ST18: variants seen among roughly 807,000 people sequenced by gnomAD.
ST18 encodes ST18 C2H2C-type zinc finger transcription factor.
ST18 carries 50 observed loss-of-function variants against 110.0 expected under a neutral mutation model. The ratio of observed to expected loss-of-function variants is 0.45; its 90% CI spans 0.36 to 0.58. The LOEUF (loss-of-function observed/expected upper bound fraction) is 0.58, where lower values mean the gene tolerates loss of function less well. ST18 is among the 20% of genes least tolerant of loss of function. ST18 has a pLI of 0.00. For synonymous variants in ST18, 461 were observed against 452.4 expected (o/e 1.02, Z -0.24); for missense variants, 1,306 against 1,280.1 (o/e 1.02, Z -0.31).
At chr8:52,407,032 T>C (rs1015296754) in intron 2 of ST18, 5 of 152,230 alleles carry the variant, frequency 3.3e-5, no homozygotes, top group Non-Finnish European at 7.3e-5. Flanking sequence ...ATGATCATCT[T>C]AAATGCCAAC....
chr8:52,135,825 A>G (rs2051973662), intron 19 of ST18, among the ~76,000 whole-genome samples: 1 of 152,084 alleles, frequency 6.6e-6, no homozygotes, highest in Non-Finnish European at 1.5e-5. Flanking sequence ...TGTGTTTTAG[A>G]CACCAAACGC....
intron 2 of ST18, among the ~76,000 whole-genome samples, chr8:52,235,388 A>C (rs1404041600): frequency 6.6e-6 from 1 of 152,044 alleles, no homozygotes; most frequent in Non-Finnish European, 1.5e-5. Flanking sequence ...GACTGGAAGC[A>C]CCTACAGGAA....
chr8:52,111,992 G>A lies in ST18; in HGVS notation c.*1206C>T, dbSNP rs922309115. ...TGTGTCTGTGTGTGAGTATGCCTGT[G>A]TGTGTGAGTGTGTGTGTATATTTTG... is the stretch of plus-strand genomic sequence containing the variant. On this transcript the variant is annotated 3_prime_UTR_variant, in exon 26 of 26. Coordinates refer to ENST00000689386, the MANE Select transcript of ST18 (RefSeq NM_001352837.2). The A allele has an allele frequency of 1.3e-5, 2 of 152,358 alleles. No homozygotes were observed. Among genetic ancestry groups the A allele is most frequent in the Non-Finnish European group, 2.9e-5 (2 of 67,960 alleles). The allele number at this position is 152,358 out of a possible 1,614,324, so 9.4% of individuals were successfully genotyped here. A position where few individuals can be genotyped will look rare whatever the true frequency, so the allele number is the denominator to read the frequency against.
intron 8 of ST18, among the ~76,000 whole-genome samples, chr8:52,191,749 G>A (rs1265801330): frequency 6.6e-6 from 1 of 152,188 alleles, no homozygotes; most frequent in Non-Finnish European, 1.5e-5. Context: ...AGGTGCAGCT[G>A]GTTCTCCACT....
At chr8:52,383,094 C>G (rs985013555) in intron 2 of ST18, among the ~76,000 whole-genome samples, 1 of 152,172 alleles carries the variant, frequency 6.6e-6, no homozygotes, top group Non-Finnish European at 1.5e-5. Context: ...TGCTACTGAA[C>G]TTGAAGCAAG....
chr8:52,131,502 G>C (rs987145221), intron 22 of ST18, among the ~76,000 whole-genome samples: 1 of 152,098 alleles, frequency 6.6e-6, no homozygotes, highest in Non-Finnish European at 1.5e-5. Flanking sequence ...TGGCTGCTGC[G>C]GATGAGTCAC....
At chr8:52,179,188 TGA>T (rs1025830003) in intron 9 of ST18, among the ~76,000 whole-genome samples, 8 of 152,234 alleles carry the variant, frequency 5.3e-5, no homozygotes, top group African/African-American at 1.9e-4. Context: ...CTATAATTTT[TGA>T]GAGTTTTTGC....
At chr8:52,286,827 A>T (rs556707135) in intron 2 of ST18, among the ~76,000 whole-genome samples, 38 of 151,494 alleles carry the variant, frequency 2.5e-4, no homozygotes, top group African/African-American at 9.2e-4. Context: ...TCACCTGGAA[A>T]CTTGTTAGAA....
intron 2 of ST18, among the ~76,000 whole-genome samples, chr8:52,290,956 G>C (rs771617369): frequency 6.6e-6 from 1 of 152,242 alleles, no homozygotes; most frequent in Admixed American, 6.5e-5. Flanking sequence ...TCAGTTGCTG[G>C]TGTCTGTCCA....
At chr8:52,118,178 C>T (rs1169996919) in intron 24 of ST18, among the ~76,000 whole-genome samples, 160 bp downstream of exon 24, 2 of 152,144 alleles carry the variant, frequency 1.3e-5, no homozygotes, top group Non-Finnish European at 2.9e-5. Flanking sequence ...TGGGATGATC[C>T]ACCTATTCAG....
At chr8:52,339,704 A>G (rs938238560) in intron 2 of ST18, among the ~76,000 whole-genome samples, 2 of 152,240 alleles carry the variant, frequency 1.3e-5, no homozygotes, top group Non-Finnish European at 2.9e-5. Context: ...GCTTGGGGCC[A>G]GCCCAAGGCC....
intron 8 of ST18, among the ~76,000 whole-genome samples, chr8:52,208,358 G>A (rs993981706): frequency 6.6e-6 from 1 of 152,170 alleles, no homozygotes. Context: ...TAGGCACACA[G>A]TTGTGCTGGA....
At position 52,139,924 on chromosome 8, in the gene ST18, CAT is replaced by C. The variant is rs374616906; in HGVS notation, c.2169-2443_2169-2442del. Among the ~76,000 whole-genome samples, 457 of 152,262 alleles carry C rather than the reference CAT, an allele frequency of 3.0e-3. 1 individual carries two copies. The highest frequency in any genetic ancestry group is 0.011 in the African/African-American group (437 of 41,554). On this transcript the variant is annotated intron_variant, in intron 17 of 25. Coordinates refer to ENST00000689386, the MANE Select transcript of ST18 (RefSeq NM_001352837.2). ...TACAGTGAAAAATTTTACATAATGA[CAT>C]GTGCCAATATTAGTTGGGTGATACA...
At chr8:52,378,256 G>A (rs1240147074) in intron 2 of ST18, among the ~76,000 whole-genome samples, 1 of 152,124 alleles carries the variant, frequency 6.6e-6, no homozygotes, top group African/African-American at 2.4e-5. Flanking sequence ...GAATTGGAAT[G>A]TTCCTAATAC....
Position 52,113,159 on chromosome 8 carries a change from T to G in ST18, c.*39A>C. ...TCTAACAGATCCATCTGGAGTTTACTGCTGTTGGTAACTTCTGTTGCCCGG... is the reference window on the plus strand; with the variant it reads ...TCTAACAGATCCATCTGGAGTTTACGGCTGTTGGTAACTTCTGTTGCCCGG... On this transcript the variant is annotated 3_prime_UTR_variant, in exon 26 of 26. Coordinates refer to ENST00000689386, the MANE Select transcript of ST18 (RefSeq NM_001352837.2). 2 of 1,610,700 alleles carry G rather than the reference T, an allele frequency of 1.2e-6. No individual in the cohort carries two copies. The highest frequency in any genetic ancestry group is 1.8e-4 in the Middle Eastern group (1 of 5,406).
intron 23 of ST18, among the ~76,000 whole-genome samples, chr8:52,125,394 C>CACACACACAT (rs369801402): frequency 3.8e-5 from 5 of 133,120 alleles, no homozygotes; most frequent in African/African-American, 1.5e-4. Context: ...CACGTACACA[C>CACACACACAT]ACACACACAC....
At position 52,176,046 on chromosome 8, in the gene ST18, G is replaced by A. The variant is rs191163628; in HGVS notation, c.278-3463C>T. Among the ~76,000 whole-genome samples the A allele has an allele frequency of 2.6e-3, 386 of 151,070 alleles. 1 individual carries two copies. Among genetic ancestry groups the A allele is most frequent in the Non-Finnish European group, 3.9e-3 (262 of 67,772 alleles). Reference sequence around the variant, plus strand: ...CTAACTCTTTTTTTTTTTTTAGACGGAGTCTCCCTCTGTCGCCCAGGCTGG... The same window carrying A: ...CTAACTCTTTTTTTTTTTTTAGACGAAGTCTCCCTCTGTCGCCCAGGCTGG... On this transcript the variant is annotated intron_variant, in intron 9 of 25. Coordinates refer to ENST00000689386, the MANE Select transcript of ST18 (RefSeq NM_001352837.2).
chr8:52,324,423 G>A (rs1449003832), intron 2 of ST18, among the ~76,000 whole-genome samples: 2 of 151,948 alleles, frequency 1.3e-5, no homozygotes, highest in African/African-American at 4.8e-5. Context: ...GAGTTCTGGG[G>A]ACTAAAGGAA....
At chr8:52,148,959 A>G (rs1468043068) in intron 16 of ST18, among the ~76,000 whole-genome samples, 1 of 152,222 alleles carries the variant, frequency 6.6e-6, no homozygotes, top group Non-Finnish European at 1.5e-5. Context: ...CTTCCCTGAC[A>G]AAGAGCAAAA....
Sources: gnomAD v4.1 joint callset for allele counts (sites outside exome capture counted in the v4.1 genomes callset) on GRCh38, gnomAD v4.1.1 for gene constraint, MANE v1.5 for transcripts, NCBI Gene and HGNC (gene_info 2026-07-23, HGNC 2026-07-21) for gene names.